GPR157: variants seen among roughly 807,000 people sequenced by gnomAD.
GPR157 encodes G-protein coupled receptor 157.
A neutral mutation model predicts 23.5 loss-of-function variants in GPR157; 16 were observed. The ratio of observed to expected loss-of-function variants is 0.68; its 90% CI spans 0.46 to 1.04. The LOEUF is 1.04. GPR157 is among the 50% of genes least tolerant of loss of function. GPR157 has a pLI of 0.00. For synonymous variants in GPR157, 200 were observed against 221.5 expected, an observed-to-expected ratio of 0.90 and a Z score of 0.86; for missense variants, 440 against 460.7, an observed-to-expected ratio of 0.96 and a Z score of 0.41.
At chr1:9,110,139 C>G (rs545354192) in intron 2 of GPR157, among the ~76,000 whole-genome samples, 1 of 152,250 alleles carries the variant, frequency 6.6e-6, no homozygotes, top group Non-Finnish European at 1.5e-5. Context: ...ACTTCTGCCT[C>G]TCTCCAGGAG....
At chr1:9,122,162 C>A (rs1353382342) in intron 1 of GPR157, among the ~76,000 whole-genome samples, 1 of 152,118 alleles carries the variant, frequency 6.6e-6, no homozygotes, top group Non-Finnish European at 1.5e-5. Flanking sequence ...GGGAAATGAC[C>A]CCCTCCACAG....
At chr1:9,114,198 G>A (rs1285355594) in intron 1 of GPR157, among the ~76,000 whole-genome samples, 5 of 151,684 alleles carry the variant, frequency 3.3e-5, no homozygotes, top group Admixed American at 3.3e-4. Flanking sequence ...GTGTGGTAGT[G>A]CGTCCCTGTA....
chr1:9,123,622 A>G, intron 1 of GPR157, among the ~76,000 whole-genome samples: 3 of 86,842 alleles, frequency 3.5e-5, no homozygotes, highest in Non-Finnish European at 6.1e-5. Flanking sequence ...TTAAAATTAA[A>G]TATATTTTAA....
chr1:9,128,259 G>A lies in GPR157; in HGVS notation c.383+386C>T, dbSNP rs114040540. 1.5e-3 allele frequency: 737 copies of A among 501,056 alleles called. 6 individuals carry two copies. Among genetic ancestry groups the A allele is most frequent in the African/African-American group, 0.013 (676 of 51,972 alleles). 31.0% of individuals were successfully genotyped at this position (501,056 alleles called of 1,614,324 possible). A position where few individuals can be genotyped will look rare whatever the true frequency, so the allele number is the denominator to read the frequency against. On this transcript the variant is annotated intron_variant, in intron 1 of 3. Transcript: ENST00000377411. The surrounding 1 kb of genome is among the most constrained non-coding windows in gnomAD (Gnocchi z 6.3). ...GGCAGTTGCCGGCTCTCCAGCCCGG[G>A]ACAGTTACCTAACTCGTCTCCCAGC... is the stretch of plus-strand genomic sequence containing the variant.
intron 2 of GPR157, among the ~76,000 whole-genome samples, chr1:9,108,987 G>C (rs982278621): frequency 6.6e-6 from 1 of 151,552 alleles, no homozygotes; most frequent in Non-Finnish European, 1.5e-5. Flanking sequence ...GAGTTTCACC[G>C]TGTTGGTCTC....
intron 1 of GPR157, among the ~76,000 whole-genome samples, chr1:9,125,117 C>T (rs1227313936): frequency 6.6e-6 from 1 of 152,186 alleles, no homozygotes; most frequent in Non-Finnish European, 1.5e-5. Context: ...CGGCTGCTGG[C>T]CAGATCCCAC....
In GPR157 at chr1:9,128,167, G is replaced by C. The variant is rs150422520; in HGVS notation, c.383+478C>G. The C allele has an allele frequency of 6.8e-3, 2,900 of 426,124 alleles. 16 individuals carry two copies. The highest frequency in any genetic ancestry group is 0.017 in the Middle Eastern group (48 of 2,862). The allele number at this position is 426,124 out of a possible 1,614,324, so 26.4% of individuals were successfully genotyped here. ...TTTGTAAACTGTACAGCAGAGACAC[G>C]GCAGCTCGGGAGTGGCGGAGTGCAC... is the stretch of plus-strand genomic sequence containing the variant. On this transcript the variant is annotated intron_variant, in intron 1 of 3. Transcript: ENST00000377411. This position sits in a 1 kb window ranked among gnomAD's most constrained non-coding sequence, Gnocchi z 6.3.
intron 2 of GPR157, among the ~76,000 whole-genome samples, chr1:9,109,079 A>AT (rs35405293): frequency 0.17 from 20,234 of 121,834 alleles, 2,265 homozygotes; most frequent in Non-Finnish European, 0.22. Context: ...CCCGGCCCTA[A>AT]TTTTTTTTTT....
chr1:9,104,330 ATGCACTTC>A lies in GPR157; in HGVS notation c.*81_*88del. 1.1e-6 allele frequency: 1 copy of A among 933,910 alleles called. No homozygotes were observed. Among genetic ancestry groups the A allele is most frequent in the Non-Finnish European group, 1.7e-6 (1 of 594,096 alleles). 57.9% of individuals were successfully genotyped at this position (933,910 alleles called of 1,614,324 possible). On this transcript the variant is annotated 3_prime_UTR_variant, in exon 4 of 4. Transcript: ENST00000377411. ...AGCGGGGGCTTCTGGTGCAGCAGAC[ATGCACTTC>A]TGCCCCTGCAGCAGGGACTCACAGA... is the stretch of plus-strand genomic sequence containing the variant.
chr1:9,126,717 G>A (rs1232111250), intron 1 of GPR157, among the ~76,000 whole-genome samples: 2 of 152,250 alleles, frequency 1.3e-5, no homozygotes, highest in Admixed American at 1.3e-4. Context: ...CTGTTAGGCA[G>A]GTTTAACCAA....
At chr1:9,116,304 T>TTTATATTA (rs1638665812) in intron 1 of GPR157, among the ~76,000 whole-genome samples, 2 of 11,234 alleles carry the variant, frequency 1.8e-4, no homozygotes, top group African/African-American at 5.1e-4. Context: ...ATTATATATA[T>TTTATATTA]TATATTATAT....
chr1:9,112,673 G>A (rs1332298168), intron 1 of GPR157, among the ~76,000 whole-genome samples: 3 of 152,138 alleles, frequency 2.0e-5, no homozygotes, highest in African/African-American at 7.2e-5. Context: ...GCCTGGTCTT[G>A]AACTCCCGAC....
rs566454150 is a variant in GPR157 at position 9,122,524 on chromosome 1, C to T, written c.383+6121G>A. On this transcript the variant is annotated intron_variant, in intron 1 of 3. Transcript: ENST00000377411. The stretch of plus-strand genomic sequence containing the variant: ...CAGTGCAGGAACTTGGCAGATATCA[C>T]CTTAGCCCAGTGATGAGAGTTAACA... 7.2e-5 allele frequency among the ~76,000 whole-genome samples: 11 copies of T among 152,248 alleles called. No individual in the cohort carries two copies. The South Asian group carries it at 1.2e-3, about 17-fold the overall frequency.
intron 2 of GPR157, among the ~76,000 whole-genome samples, chr1:9,110,394 G>T (rs952197386): frequency 6.6e-6 from 1 of 152,122 alleles, no homozygotes; most frequent in African/African-American, 2.4e-5. Context: ...GTGGCGGCAC[G>T]TGCCTATAAT....
chr1:9,123,163 G>GGTAAAAAA (rs374439585), intron 1 of GPR157, among the ~76,000 whole-genome samples: 1 of 87,566 alleles, frequency 1.1e-5, no homozygotes, highest in African/African-American at 4.3e-5. Flanking sequence ...TCTTGGGTGG[G>GGTAAAAAA]AAAAAAAAAA....
chr1:9,119,775 C>G (rs1298943249), intron 1 of GPR157, among the ~76,000 whole-genome samples: 1 of 152,222 alleles, frequency 6.6e-6, no homozygotes, highest in Non-Finnish European at 1.5e-5. Flanking sequence ...TCATACTTGT[C>G]AGGAGCTTAG....
intron 1 of GPR157, among the ~76,000 whole-genome samples, chr1:9,114,702 G>T (rs569448600): frequency 6.6e-6 from 1 of 152,156 alleles, no homozygotes; most frequent in Non-Finnish European, 1.5e-5. Context: ...CTGAGTTTGT[G>T]CTGGGAAATA....
intron 1 of GPR157, among the ~76,000 whole-genome samples, chr1:9,116,317 A>AATATAATTATATATATAAT (rs1638668793): frequency 4.6e-5 from 1 of 21,558 alleles, no homozygotes; most frequent in Non-Finnish European, 6.4e-5. Context: ...TATTATATAT[A>AATATAATTATATATATAAT]ATATATATAA....
At chr1:9,124,290 G>T (rs929380814) in intron 1 of GPR157, among the ~76,000 whole-genome samples, 5 of 152,104 alleles carry the variant, frequency 3.3e-5, no homozygotes, top group African/African-American at 1.2e-4. Context: ...CTATTGGTAT[G>T]GCATAAAAGA....
Sources: gnomAD v4.1 joint callset for allele counts (sites outside exome capture counted in the v4.1 genomes callset) on GRCh38, gnomAD v4.1.1 for gene constraint, Gnocchi (gnomAD v3.1) non-coding constraint, MANE v1.5 for transcripts, NCBI Gene and HGNC (gene_info 2026-07-23, HGNC 2026-07-21) for gene names.